FAM171A1: variants seen among roughly 807,000 people sequenced by gnomAD.
FAM171A1 encodes family with sequence similarity 171 member A1, also known as protein FAM171A1.
FAM171A1 carries 23 observed loss-of-function variants against 74.9 expected under a neutral mutation model. The ratio of observed to expected loss-of-function variants is 0.31; its 90% CI spans 0.22 to 0.44. The LOEUF is 0.44. FAM171A1 is among the 20% of genes least tolerant of loss of function. The pLI is 1.00. For missense variants in FAM171A1, 1,162 were observed against 1,159.2 expected, an observed-to-expected ratio of 1.00 and a Z score of -0.03; for synonymous variants, 527 against 505.7, an observed-to-expected ratio of 1.04 and a Z score of -0.57.
At chr10:15,336,017 A>T (rs749476520) in intron 1 of FAM171A1, among the ~76,000 whole-genome samples, 73 of 152,278 alleles carry the variant, frequency 4.8e-4, no homozygotes, top group Admixed American at 1.2e-3. Context: ...TTAACCCAAT[A>T]ATCAGGAACT....
intron 5 of FAM171A1, among the ~76,000 whole-genome samples, chr10:15,243,675 C>T (rs1834391570): frequency 6.6e-6 from 1 of 152,076 alleles, no homozygotes; most frequent in South Asian, 2.1e-4. Context: ...GGGATGGAGG[C>T]TCCAAGATAG....
intron 3 of FAM171A1, among the ~76,000 whole-genome samples, chr10:15,265,265 G>A (rs772258873): frequency 1.7e-4 from 26 of 152,022 alleles, no homozygotes; most frequent in Non-Finnish European, 2.8e-4. Flanking sequence ...GTGTGTGTGT[G>A]TGCGTGTGTG....
chr10:15,214,621 C>A lies in FAM171A1; in HGVS notation c.987-20G>T. 6.5e-7 allele frequency: 1 copy of A among 1,538,086 alleles called. No homozygotes were observed. The highest frequency in any genetic ancestry group is 8.7e-7 in the Non-Finnish European group (1 of 1,145,972). ...TTCCTCCTGCGCCCAAAGACACAATCCAAAGCCAAAGATTAGTGATTCTCA... is the reference window on the plus strand; with the variant it reads ...TTCCTCCTGCGCCCAAAGACACAATACAAAGCCAAAGATTAGTGATTCTCA... On this transcript the variant is annotated intron_variant, in intron 7 of 7. Transcript: ENST00000378116.
intron 1 of FAM171A1, among the ~76,000 whole-genome samples, chr10:15,309,019 A>AAAAACC (rs1288225867): frequency 6.6e-6 from 1 of 152,218 alleles, no homozygotes; most frequent in Non-Finnish European, 1.5e-5. Flanking sequence ...TACAACTTAA[A>AAAAACC]AAAACCAAAT....
chr10:15,227,430 T>C (rs1834123331), intron 5 of FAM171A1, among the ~76,000 whole-genome samples: 2 of 152,244 alleles, frequency 1.3e-5, no homozygotes, highest in African/African-American at 4.8e-5. Flanking sequence ...GTCACCCAGC[T>C]GGAGGGCAGT....
chr10:15,343,663 C>A (rs532867173), intron 1 of FAM171A1, among the ~76,000 whole-genome samples: 1 of 152,026 alleles, frequency 6.6e-6, no homozygotes, highest in African/African-American at 2.4e-5. Context: ...ATATGTCATC[C>A]GTGAGGACAT....
chr10:15,288,830 T>TTTTA (rs1554836630), intron 1 of FAM171A1, among the ~76,000 whole-genome samples: 7 of 132,512 alleles, frequency 5.3e-5, no homozygotes, highest in East Asian at 2.3e-4. Context: ...TTTTTTTTTT[T>TTTTA]TTTTTTTTTG....
At chr10:15,215,412 C>T (rs1402027730) in intron 7 of FAM171A1, among the ~76,000 whole-genome samples, 1 of 152,028 alleles carries the variant, frequency 6.6e-6, no homozygotes, top group Non-Finnish European at 1.5e-5. Flanking sequence ...GTTGCCCAGG[C>T]TGGAGTACAG....
At chr10:15,282,444 G>A (rs1222769773) in intron 2 of FAM171A1, among the ~76,000 whole-genome samples, 1 of 152,214 alleles carries the variant, frequency 6.6e-6, no homozygotes, top group Admixed American at 6.5e-5. Context: ...ACAAAGGCAC[G>A]TACTATTGAT....
At chr10:15,309,148 G>A (rs368894277) in intron 1 of FAM171A1, among the ~76,000 whole-genome samples, 1 of 152,132 alleles carries the variant, frequency 6.6e-6, no homozygotes, top group Admixed American at 6.5e-5. Flanking sequence ...ATTAATGGAT[G>A]TACATAACAT....
intron 3 of FAM171A1, among the ~76,000 whole-genome samples, chr10:15,260,220 C>T (rs769636790): frequency 2.0e-5 from 3 of 152,136 alleles, no homozygotes; most frequent in Non-Finnish European, 4.4e-5. Context: ...GCCACCTCTT[C>T]TATGTAGTCT....
At chr10:15,264,976 A>G (rs908670214) in intron 3 of FAM171A1, among the ~76,000 whole-genome samples, 1 of 152,178 alleles carries the variant, frequency 6.6e-6, no homozygotes, top group Non-Finnish European at 1.5e-5. Context: ...CCATGCCTCA[A>G]TACGACCGAG....
At chr10:15,254,656 T>C (rs73587679) in intron 4 of FAM171A1, 65 bp downstream of exon 4, 15,591 of 1,554,222 alleles carry the variant, frequency 0.01, 96 homozygotes, top group African/African-American at 0.017. Flanking sequence ...CAATCATACC[T>C]AAAATCCACA....
upstream of FAM171A1, among the ~76,000 whole-genome samples, chr10:15,372,292 G>T (rs1415250260): frequency 6.6e-6 from 1 of 152,136 alleles, no homozygotes; most frequent in African/African-American, 2.4e-5. Flanking sequence ...GAGAAAAGAG[G>T]CTAAAGAGGG....
In FAM171A1 at chr10:15,312,673, GTTTTTTTTTTTTTTTTTTTTTT is replaced by G. The variant is rs1169098742; in HGVS notation, c.98-28590_98-28569del. On this transcript the variant is annotated intron_variant, in intron 1 of 7. Transcript: ENST00000378116. Reference sequence around the variant, plus strand: ...TACTGGAATGAGTTCAGCACTGTGTGTTTTTTTTTTTTTTTTTTTTTTTTTTTTTTTTTTTTTTTTTGAGACG... The same window carrying G: ...TACTGGAATGAGTTCAGCACTGTGTGTTTTTTTTTTTTTTTTTTTGAGACG... Among the ~76,000 whole-genome samples the G allele has an allele frequency of 7.2e-3, 262 of 36,398 alleles. 5 individuals are homozygous for G. Among genetic ancestry groups the G allele is most frequent in the African/African-American group, 0.025 (214 of 8,550 alleles). 23.9% of individuals were successfully genotyped at this position (36,398 alleles called of 152,430 possible). A position where few individuals can be genotyped will look rare whatever the true frequency, so the allele number is the denominator to read the frequency against.
intron 1 of FAM171A1, among the ~76,000 whole-genome samples, chr10:15,358,865 T>C (rs1304179747): frequency 6.6e-6 from 1 of 152,232 alleles, no homozygotes; most frequent in African/African-American, 2.4e-5. Context: ...TGTGAAATTA[T>C]AATATAATCC....
chr10:15,233,098 T>A (rs2131734828), intron 5 of FAM171A1, among the ~76,000 whole-genome samples: 1 of 152,134 alleles, frequency 6.6e-6, no homozygotes, highest in Middle Eastern at 3.4e-3. Context: ...ATCGAGACCA[T>A]CCTGGCTAAC....
chr10:15,256,823 C>T (rs1271881959), intron 3 of FAM171A1, among the ~76,000 whole-genome samples: 1 of 152,336 alleles, frequency 6.6e-6, no homozygotes, highest in East Asian at 1.9e-4. Context: ...CTCATCCCTT[C>T]TCCCCCTTGC....
At chr10:15,281,610 C>T (rs947193942) in intron 2 of FAM171A1, among the ~76,000 whole-genome samples, 1 of 152,144 alleles carries the variant, frequency 6.6e-6, no homozygotes, top group Admixed American at 6.5e-5. Context: ...GCCTGTAATC[C>T]CAGAACTTTG....
Sources: gnomAD v4.1 joint callset for allele counts (sites outside exome capture counted in the v4.1 genomes callset) on GRCh38, gnomAD v4.1.1 for gene constraint, MANE v1.5 for transcripts, NCBI Gene and HGNC (gene_info 2026-07-23, HGNC 2026-07-21) for gene names.